Variants in TSHZ1 observed in about 807,000 individuals in gnomAD.
The protein encoded by TSHZ1 is teashirt zinc finger homeobox 1.
TSHZ1 carries 12 observed loss-of-function variants against 67.1 expected under a neutral mutation model. The observed-to-expected ratio is 0.18, with a 90% CI of 0.11 to 0.29. The LOEUF (loss-of-function observed/expected upper bound fraction) is 0.29. Ranked by LOEUF, TSHZ1 falls within the 10% of genes least tolerant of loss-of-function variation. TSHZ1 has a pLI of 1.00. For synonymous variants in TSHZ1, 632 were observed against 622.4 expected, an observed-to-expected ratio of 1.02 and a Z score of -0.23; for missense variants, 1,305 against 1,413.9, an observed-to-expected ratio of 0.92 and a Z score of 1.23.
intron 1 of TSHZ1, among the ~76,000 whole-genome samples, chr18:75,233,203 G>A (rs2023022840): frequency 6.6e-6 from 1 of 152,202 alleles, no homozygotes; most frequent in Non-Finnish European, 1.5e-5. Flanking sequence ...AGTTATATCT[G>A]CAGTCTGCTC....
At chr18:75,276,966 C>T (rs1052226917) in intron 1 of TSHZ1, among the ~76,000 whole-genome samples, 5 of 152,194 alleles carry the variant, frequency 3.3e-5, no homozygotes, top group African/African-American at 1.2e-4. Flanking sequence ...CATTTGTGTC[C>T]ACCACCTCCT....
intron 1 of TSHZ1, among the ~76,000 whole-genome samples, chr18:75,220,599 C>G (rs1327094383): frequency 6.6e-6 from 1 of 152,170 alleles, no homozygotes; most frequent in Non-Finnish European, 1.5e-5. Flanking sequence ...ATTCCATTGT[C>G]TTACAGTAAA....
rs2022679722 is a variant in TSHZ1, at chr18:75,211,338, G to T, written c.-539G>T. ...AGGACAGCCTGCATCGGCCTCGCTGGCGCACAATGAGAAAGCTGCGACCCG... is the reference window on the plus strand; with the variant it reads ...AGGACAGCCTGCATCGGCCTCGCTGTCGCACAATGAGAAAGCTGCGACCCG... On this transcript the variant is annotated 5_prime_UTR_variant, in exon 1 of 2. Transcript: ENST00000580243. The T allele has an allele frequency of 6.6e-6, 1 of 152,032 alleles. No individual in the cohort carries two copies. The highest frequency in any genetic ancestry group is 1.5e-5 in the Non-Finnish European group (1 of 68,036). 9.4% of individuals were successfully genotyped at this position (152,032 alleles called of 1,614,324 possible). A position where few individuals can be genotyped will look rare whatever the true frequency, so the allele number is the denominator to read the frequency against.
chr18:75,213,470 A>G (rs777452243), intron 1 of TSHZ1, among the ~76,000 whole-genome samples: 3 of 151,668 alleles, frequency 2.0e-5, no homozygotes, highest in Non-Finnish European at 4.4e-5. Flanking sequence ...AGTTAGAGGG[A>G]TTTTTTTTTA....
In TSHZ1 at chr18:75,287,727, C is replaced by T; in HGVS notation, c.2320C>T (p.Leu774=). 1 of 1,614,152 alleles carries T rather than the reference C, an allele frequency of 6.2e-7. No homozygotes were observed. The highest frequency in any genetic ancestry group is 8.5e-7 in the Non-Finnish European group (1 of 1,180,044). The change falls in exon 2 of 2, where the codon CTG becomes TTG. Residue 774 remains leucine, a synonymous_variant. Transcript: ENST00000580243. This position sits in a 1 kb window ranked among gnomAD's most constrained non-coding sequence, Gnocchi z 5.0. ...VSPSLDPLAM[L]YKISNSMLDK... ...TCCCTCGCTGGACCCGCTGGCGATG[C>T]TGTACAAGATCAGCAACAGCATGCT...
chr18:75,222,483 C>T (rs2022859877), intron 1 of TSHZ1, among the ~76,000 whole-genome samples: 1 of 151,862 alleles, frequency 6.6e-6, no homozygotes, highest in African/African-American at 2.4e-5. Context: ...TTTTTCTCAA[C>T]TCCTCCTCCT....
chr18:75,267,180 A>G (rs967211820), intron 1 of TSHZ1, among the ~76,000 whole-genome samples: 3 of 152,212 alleles, frequency 2.0e-5, no homozygotes, highest in Non-Finnish European at 2.9e-5. Context: ...CTCTGGGGGA[A>G]AACCTCATTT....
At chr18:75,251,998 C>T (rs2023310215) in intron 1 of TSHZ1, among the ~76,000 whole-genome samples, 1 of 152,184 alleles carries the variant, frequency 6.6e-6, no homozygotes, top group South Asian at 2.1e-4. Context: ...ATCCCATCAT[C>T]CAGAAATTAC....
At chr18:75,270,705 G>A (rs1193170239) in intron 1 of TSHZ1, among the ~76,000 whole-genome samples, 2 of 152,164 alleles carry the variant, frequency 1.3e-5, no homozygotes, top group African/African-American at 4.8e-5. Context: ...CTACTGTCGT[G>A]AGTATTTAGG....
intron 1 of TSHZ1, among the ~76,000 whole-genome samples, chr18:75,257,926 C>T (rs555408183): frequency 1.6e-4 from 25 of 152,230 alleles, no homozygotes; most frequent in Middle Eastern, 3.4e-3. Context: ...CGCTTAGAAC[C>T]GGGGCTGCAC....
intron 1 of TSHZ1, among the ~76,000 whole-genome samples, chr18:75,212,147 T>A (rs1296095706): frequency 6.6e-6 from 1 of 151,868 alleles, no homozygotes; most frequent in African/African-American, 2.4e-5. Flanking sequence ...TTCTCTGCGC[T>A]GCGGGAAGCC....
chr18:75,220,368 A>C (rs2022831315), intron 1 of TSHZ1, among the ~76,000 whole-genome samples: 1 of 152,198 alleles, frequency 6.6e-6, no homozygotes, highest in Admixed American at 6.5e-5. Context: ...ATGTACTTAG[A>C]AAAACCTAAC....
At chr18:75,262,304 G>A (rs924438158) in intron 1 of TSHZ1, among the ~76,000 whole-genome samples, 24 of 152,212 alleles carry the variant, frequency 1.6e-4, no homozygotes, top group African/African-American at 5.8e-4. Flanking sequence ...ACCATGGCAG[G>A]AATGATGAAG....
At chr18:75,255,577 G>A (rs1460221648) in intron 1 of TSHZ1, among the ~76,000 whole-genome samples, 1 of 152,102 alleles carries the variant, frequency 6.6e-6, no homozygotes, top group Non-Finnish European at 1.5e-5. Context: ...ATACTCCCAG[G>A]AAAATGCCAG....
chr18:75,228,099 T>G (rs2022949276), intron 1 of TSHZ1, among the ~76,000 whole-genome samples: 1 of 152,246 alleles, frequency 6.6e-6, no homozygotes, highest in African/African-American at 2.4e-5. Flanking sequence ...AGGGACAACC[T>G]GAAAACGCGG....
chr18:75,275,891 A>G (rs559564534), intron 1 of TSHZ1, among the ~76,000 whole-genome samples: 3 of 152,174 alleles, frequency 2.0e-5, no homozygotes, highest in African/African-American at 4.8e-5. Flanking sequence ...TAGAAGTGTC[A>G]CTTGCTTTTT....
At chr18:75,223,514 C>T (rs2022876517) in intron 1 of TSHZ1, among the ~76,000 whole-genome samples, 1 of 152,104 alleles carries the variant, frequency 6.6e-6, no homozygotes, top group Non-Finnish European at 1.5e-5. Flanking sequence ...ATAAGTGGCT[C>T]CTTCAGTTCC....
chr18:75,254,110 C>T (rs2023336881), intron 1 of TSHZ1, among the ~76,000 whole-genome samples: 1 of 152,124 alleles, frequency 6.6e-6, no homozygotes, highest in Non-Finnish European at 1.5e-5. Flanking sequence ...CTTTTTCATG[C>T]TTCTGTTTGG....
chr18:75,267,278 GT>G (rs1177159296), intron 1 of TSHZ1, among the ~76,000 whole-genome samples: 1 of 152,182 alleles, frequency 6.6e-6, no homozygotes, highest in African/African-American at 2.4e-5. Context: ...CCAAAAACAG[GT>G]TGATGCTGCA....
Sources: gnomAD v4.1 joint callset for allele counts (sites outside exome capture counted in the v4.1 genomes callset) on GRCh38, gnomAD v4.1.1 for gene constraint, Gnocchi (gnomAD v3.1) non-coding constraint, MANE v1.5 for transcripts, NCBI Gene and HGNC (gene_info 2026-07-23, HGNC 2026-07-21) for gene names.